Variants in CASD1 observed in about 807,000 individuals in gnomAD.
CASD1 encodes N-acetylneuraminate (7)9-O-acetyltransferase.
CASD1 carries 41 observed loss-of-function variants against 100.0 expected under a neutral mutation model. The observed-to-expected ratio is 0.41, with a 90% confidence interval of 0.32 to 0.53. The LOEUF (loss-of-function observed/expected upper bound fraction) is 0.53, where lower values mean the gene tolerates loss of function less well. Among genes scored for constraint, CASD1 ranks in the 20% least tolerant of loss-of-function variants. CASD1 has a pLI of 0.25. For missense variants in CASD1, 774 were observed against 948.7 expected, an observed-to-expected ratio of 0.82 and a Z score of 2.42; for synonymous variants, 321 against 315.6, an observed-to-expected ratio of 1.02 and a Z score of -0.18.
chr7:94,630,641 T>C, the CASD1 span, among the ~76,000 whole-genome samples: 11 of 152,068 alleles, frequency 7.2e-5, no homozygotes, highest in South Asian at 6.2e-4. Flanking sequence ...TTTCCACTTA[T>C]TGTTTTTGCT....
the CASD1 span, chr7:94,590,962 A>G: frequency 6.6e-6 from 1 of 152,132 alleles, no homozygotes; most frequent in Non-Finnish European, 1.5e-5. Flanking sequence ...TTAATGTTTC[A>G]GTTCCACTTT....
In CASD1 at chr7:94,533,916, C is replaced by T. The variant is rs1584404317; in HGVS notation, c.628+114C>T. On this transcript the variant is annotated intron_variant, in intron 7 of 17. Transcript: ENST00000297273. ...TGCTTTATGAGAATTAATTTTGAAA[C>T]AAGATTTGCAAGATTAGAGTACACT... The T allele has an allele frequency of 4.2e-6, 4 of 957,904 alleles. No homozygotes were observed. The East Asian group carries it at 8.7e-5, about 21-fold the overall frequency. 59.3% of individuals were successfully genotyped at this position (957,904 alleles called of 1,614,324 possible).
intron 1 of CASD1, among the ~76,000 whole-genome samples, chr7:94,512,995 TAGAG>T (rs1273550891): frequency 1.3e-5 from 2 of 152,254 alleles, no homozygotes; most frequent in Non-Finnish European, 2.9e-5. Context: ...GTATAGAAGA[TAGAG>T]GGAGAAAGCA....
chr7:94,522,392 A>G (rs1438891856), intron 3 of CASD1, among the ~76,000 whole-genome samples: 1 of 152,236 alleles, frequency 6.6e-6, no homozygotes, highest in Non-Finnish European at 1.5e-5. Context: ...TAAGATTTTA[A>G]ACTTGTAGGC....
intron 3 of CASD1, among the ~76,000 whole-genome samples, chr7:94,523,501 T>A (rs1794394720): frequency 6.6e-6 from 1 of 152,092 alleles, no homozygotes; most frequent in Non-Finnish European, 1.5e-5. Flanking sequence ...AAACAGCAAA[T>A]GTGGAAGATC....
intron 5 of CASD1, among the ~76,000 whole-genome samples, chr7:94,529,223 T>C (rs1794731297): frequency 6.6e-6 from 1 of 152,176 alleles, no homozygotes; most frequent in African/African-American, 2.4e-5. Context: ...AAGCATATGT[T>C]TCATATTTGT....
the CASD1 span, among the ~76,000 whole-genome samples, chr7:94,615,399 TA>T: frequency 1.3e-5 from 2 of 151,252 alleles, no homozygotes; most frequent in East Asian, 3.9e-4. Flanking sequence ...GATAGATAGA[TA>T]GATAGATAGA....
intron 7 of CASD1, 70 bp downstream of exon 7, chr7:94,533,872 T>C: frequency 7.5e-7 from 1 of 1,334,092 alleles, no homozygotes; most frequent in Non-Finnish European, 9.9e-7. Flanking sequence ...TTATCTCCTG[T>C]TTCAAGAAGC....
At chr7:94,571,891 G>A in the CASD1 span, among the ~76,000 whole-genome samples, 2 of 151,566 alleles carry the variant, frequency 1.3e-5, no homozygotes, top group African/African-American at 2.4e-5. Context: ...AAAATGGTCA[G>A]AAGATGAAGT....
chr7:94,587,556 C>T, the CASD1 span: 1 of 1,323,386 alleles, frequency 7.6e-7, no homozygotes, highest in East Asian at 3.1e-5. Flanking sequence ...AGTAGGGATT[C>T]ATTTATCTTT....
the CASD1 span, among the ~76,000 whole-genome samples, chr7:94,570,459 C>T: frequency 6.6e-5 from 10 of 152,094 alleles, no homozygotes; most frequent in African/African-American, 1.7e-4. Flanking sequence ...TTTTATGCAT[C>T]GTGTGCCCAA....
chr7:94,544,114 A>G (rs1029056570), intron 10 of CASD1, among the ~76,000 whole-genome samples: 1 of 152,202 alleles, frequency 6.6e-6, no homozygotes, highest in East Asian at 1.9e-4. Context: ...TATCTCATTC[A>G]TCCTTCACAA....
At chr7:94,518,578 T>A (rs930583774) in intron 3 of CASD1, among the ~76,000 whole-genome samples, 1 of 152,158 alleles carries the variant, frequency 6.6e-6, no homozygotes, top group Non-Finnish European at 1.5e-5. Flanking sequence ...ATTCTTACCA[T>A]GGAAAAACTT....
chr7:94,543,301 C>G (rs1024922109), intron 10 of CASD1, among the ~76,000 whole-genome samples: 1 of 152,132 alleles, frequency 6.6e-6, no homozygotes, highest in Non-Finnish European at 1.5e-5. Context: ...CTTATAAAAT[C>G]TATTTAATGT....
chr7:94,531,524 G>A (rs985491007), intron 5 of CASD1, among the ~76,000 whole-genome samples: 18 of 152,058 alleles, frequency 1.2e-4, no homozygotes, highest in Admixed American at 1.0e-3. Flanking sequence ...ACCAATGTAA[G>A]TTTTGGGAAT....
At chr7:94,515,933 G>C (rs2106593) in intron 1 of CASD1, among the ~76,000 whole-genome samples, 78,030 of 151,898 alleles carry the variant, frequency 0.51, 21,196 homozygotes, top group South Asian at 0.73. Flanking sequence ...GTTTTAATAA[G>C]ATTTTACCAT....
intron 1 of CASD1, among the ~76,000 whole-genome samples, chr7:94,511,772 T>A (rs1484233202): frequency 2.0e-5 from 3 of 152,266 alleles, no homozygotes; most frequent in Non-Finnish European, 4.4e-5. Context: ...CTTTTATTTT[T>A]TTGTGCTTTT....
intron 1 of CASD1, among the ~76,000 whole-genome samples, chr7:94,512,220 C>G (rs944043970): frequency 1.1e-4 from 17 of 152,026 alleles, no homozygotes; most frequent in African/African-American, 3.6e-4. Context: ...GTCTTTGGGC[C>G]ACACATAATA....
chr7:94,555,495 T>G lies in CASD1; in HGVS notation c.2131T>G (p.Phe711Val). 6.2e-7 allele frequency: 1 copy of G among 1,611,280 alleles called. No individual in the cohort carries two copies. Among genetic ancestry groups the G allele is most frequent in the Non-Finnish European group, 8.5e-7 (1 of 1,178,374 alleles). Residue 711 changes from phenylalanine to valine, a missense_variant, in exon 18 of 18, where the codon TTT becomes GTT. Phe to Val is a conservative substitution (Grantham distance 50, BLOSUM62 -1). This residue lies in a region of CASD1 where 175 missense variants were observed against 206.9 expected (regional missense o/e 0.85). Coordinates refer to ENST00000297273, the MANE Select transcript of CASD1 (RefSeq NM_022900.5). ...ACTTAAATATTTTTTCTCCTAGCTA[T>G]TTATTTGCCAGTATCACATATGGCT... ...AWFGKISLEL[F>V]ICQYHIWLAA... is the part of the protein sequence containing the mutation.
Sources: gnomAD v4.1 joint callset for allele counts (sites outside exome capture counted in the v4.1 genomes callset) on GRCh38, gnomAD v4.1.1 for gene constraint, gnomAD v4.1.1 regional missense constraint, MANE v1.5 for transcripts, NCBI Gene and HGNC (gene_info 2026-07-23, HGNC 2026-07-21) for gene names.